The following SGCD variants were observed in gnomAD, a reference collection of about 807,000 sequenced individuals.
SGCD encodes sarcoglycan delta, also known as delta-sarcoglycan.
A neutral mutation model predicts 36.6 loss-of-function variants in SGCD; 18 were observed. The ratio of observed to expected loss-of-function variants is 0.49; its 90% CI spans 0.34 to 0.73. The LOEUF is 0.73. Among genes scored for constraint, SGCD ranks in the 30% least tolerant of loss-of-function variants. The pLI is 0.01. For missense variants in SGCD, 387 were observed against 346.7 expected, an observed-to-expected ratio of 1.12 and a Z score of -0.92; for synonymous variants, 133 against 130.6, an observed-to-expected ratio of 1.02 and a Z score of -0.12.
At chr5:156,116,213 G>C (rs1417263744) in intron 1 of SGCD, among the ~76,000 whole-genome samples, 1 of 151,684 alleles carries the variant, frequency 6.6e-6, no homozygotes, top group African/African-American at 2.4e-5. Context: ...ATCAATAAGA[G>C]GTTTTCTGTC....
intron 3 of SGCD, among the ~76,000 whole-genome samples, chr5:156,217,123 G>A (rs1764596652): frequency 1.3e-5 from 2 of 151,988 alleles, no homozygotes. Context: ...GAAAATGAAT[G>A]TCGCATGTTA....
chr5:156,716,732 T>C (rs771553934), intron 7 of SGCD, among the ~76,000 whole-genome samples: 3 of 152,188 alleles, frequency 2.0e-5, no homozygotes, highest in Non-Finnish European at 4.4e-5. Context: ...CTCCTTCCCA[T>C]TAACCAGCTC....
chr5:156,603,509 T>C (rs1761286041), intron 6 of SGCD, among the ~76,000 whole-genome samples: 1 of 152,124 alleles, frequency 6.6e-6, no homozygotes, highest in African/African-American at 2.4e-5. Context: ...TATCTTTAGA[T>C]TGCTTAATAT....
At chr5:155,990,253 A>T (rs560506301) in intron 1 of SGCD, among the ~76,000 whole-genome samples, 3 of 152,316 alleles carry the variant, frequency 2.0e-5, no homozygotes, top group South Asian at 2.1e-4. Context: ...GTACAAAAAC[A>T]TACCTGTTTT....
At chr5:156,706,553 G>A (rs1185627019) in intron 7 of SGCD, among the ~76,000 whole-genome samples, 1 of 152,078 alleles carries the variant, frequency 6.6e-6, no homozygotes, top group Non-Finnish European at 1.5e-5. Flanking sequence ...GAGGCACACT[G>A]AAACGTACTC....
At chr5:155,924,096 T>C (rs145900662) in intron 1 of SGCD, among the ~76,000 whole-genome samples, 18 of 152,314 alleles carry the variant, frequency 1.2e-4, no homozygotes, top group African/African-American at 4.1e-4. Context: ...TTTTATTCCA[T>C]GGCAGTCTTA....
chr5:156,261,185 T>C (rs1476901731), intron 3 of SGCD, among the ~76,000 whole-genome samples: 1 of 152,198 alleles, frequency 6.6e-6, no homozygotes, highest in East Asian at 1.9e-4. Flanking sequence ...AATTGGCCTT[T>C]TCAATGTTTT....
chr5:156,156,330 A>C (rs1762962704), intron 3 of SGCD, among the ~76,000 whole-genome samples: 4 of 151,462 alleles, frequency 2.6e-5, no homozygotes, highest in Non-Finnish European at 4.4e-5. Context: ...GAATCCCATG[A>C]ATATTAAAAC....
chr5:156,399,631 C>T (rs1580930427), intron 3 of SGCD, among the ~76,000 whole-genome samples: 1 of 152,208 alleles, frequency 6.6e-6, no homozygotes, highest in Non-Finnish European at 1.5e-5. Context: ...ACAACGAAGA[C>T]AAGAGAAAGA....
intron 1 of SGCD, among the ~76,000 whole-genome samples, chr5:156,031,000 C>T (rs1759338385): frequency 6.6e-6 from 1 of 152,228 alleles, no homozygotes. Context: ...AGAAGGCCTC[C>T]AGTAGCAGCA....
At chr5:156,650,610 G>C in intron 7 of SGCD, among the ~76,000 whole-genome samples, 1 of 151,364 alleles carries the variant, frequency 6.6e-6, no homozygotes, top group South Asian at 2.1e-4. Flanking sequence ...CTGTTCCTGT[G>C]TTAACTTAAG....
intron 7 of SGCD, among the ~76,000 whole-genome samples, chr5:156,650,834 T>C (rs1426982312): frequency 6.6e-6 from 1 of 152,166 alleles, no homozygotes. Context: ...TTATTTCCCT[T>C]TGGGTATATA....
At chr5:155,862,590 G>A in the SGCD span, among the ~76,000 whole-genome samples, 1 of 152,150 alleles carries the variant, frequency 6.6e-6, no homozygotes, top group African/African-American at 2.4e-5. Context: ...TCCCACCTCA[G>A]CTCCCAAATT....
At chr5:156,267,440 T>A (rs972222338) in intron 3 of SGCD, among the ~76,000 whole-genome samples, 1 of 152,122 alleles carries the variant, frequency 6.6e-6, no homozygotes, top group East Asian at 1.9e-4. Context: ...ACCTAGAACA[T>A]AAAACCCATT....
At chr5:155,966,935 A>ATGTGTGTGTGTGTGTGTGTGTGTATG (rs1757913061) in intron 1 of SGCD, among the ~76,000 whole-genome samples, 2 of 148,182 alleles carry the variant, frequency 1.3e-5, no homozygotes, top group Admixed American at 6.8e-5. Context: ...ATAGGTTTTC[A>ATGTGTGTGTGTGTGTGTGTGTGTATG]TGTGTGTGTG....
chr5:156,282,534 A>G (rs1766480938), intron 3 of SGCD, among the ~76,000 whole-genome samples: 1 of 152,222 alleles, frequency 6.6e-6, no homozygotes, highest in Non-Finnish European at 1.5e-5. Flanking sequence ...TGGTAGCATA[A>G]TGAAAATTGT....
intron 2 of SGCD, among the ~76,000 whole-genome samples, chr5:156,122,478 G>A (rs560458429): frequency 6.6e-6 from 1 of 152,212 alleles, no homozygotes; most frequent in South Asian, 2.1e-4. Context: ...TAACATTTGA[G>A]CAAAGACGTG....
At chr5:156,050,393 A>T (rs1057330624) in intron 1 of SGCD, among the ~76,000 whole-genome samples, 1 of 146,720 alleles carries the variant, frequency 6.8e-6, no homozygotes. Flanking sequence ...TATAAAGGGT[A>T]CATTTTTTAT....
At chr5:155,890,616 G>A (rs1756102850) in intron 1 of SGCD, among the ~76,000 whole-genome samples, 1 of 134,274 alleles carries the variant, frequency 7.4e-6, no homozygotes, top group Non-Finnish European at 1.5e-5. Flanking sequence ...TAAATAGATA[G>A]GTAGGTAAGT....
Sources: allele counts gnomAD v4.1 joint callset (sites outside exome capture counted in the v4.1 genomes callset), GRCh38; gene constraint gnomAD v4.1.1; transcripts MANE v1.5; gene names NCBI Gene and HGNC (gene_info 2026-07-23, HGNC 2026-07-21).